The following NRXN1 variants were observed in gnomAD, a reference collection of about 807,000 sequenced individuals.
NRXN1 encodes the protein neurexin 1, also known as neurexin-1.
In NRXN1, 39 loss-of-function variants were observed where a neutral mutation model predicts 150.9. That is an observed-to-expected ratio of 0.26 (90% CI 0.20 to 0.34). The LOEUF is 0.34. Among genes scored for constraint, NRXN1 ranks in the 10% least tolerant of loss-of-function variants. The pLI is 1.00. For synonymous variants in NRXN1, 924 were observed against 757.0 expected (o/e 1.22, Z -3.62); for missense variants, 1,815 against 1,949.9 (o/e 0.93, Z 1.30).
At chr2:49,948,839 C>T (rs1427145570) in intron 21 of NRXN1, among the ~76,000 whole-genome samples, 1 of 151,722 alleles carries the variant, frequency 6.6e-6, no homozygotes, top group Non-Finnish European at 1.5e-5. Flanking sequence ...CTGAAAAAGA[C>T]AGAAGCGTGA....
At chr2:50,883,722 A>T (rs1679803341) in intron 5 of NRXN1, among the ~76,000 whole-genome samples, 1 of 151,872 alleles carries the variant, frequency 6.6e-6, no homozygotes, top group Non-Finnish European at 1.5e-5. Context: ...GTAGCAGAAT[A>T]AATAAATTGT....
chr2:50,638,400 A>G (rs1683547024), intron 5 of NRXN1, among the ~76,000 whole-genome samples: 1 of 152,194 alleles, frequency 6.6e-6, no homozygotes, highest in South Asian at 2.1e-4. Context: ...AATAATTCAC[A>G]TCCCAACAAA....
chr2:50,980,951 G>A (rs528721166), intron 2 of NRXN1, among the ~76,000 whole-genome samples: 2 of 151,920 alleles, frequency 1.3e-5, no homozygotes, highest in Admixed American at 6.6e-5. Context: ...GCAACAAATT[G>A]CCCTAAACAC....
At position 50,119,171 on chromosome 2, in the gene NRXN1, A is replaced by G. The variant is rs1366801833; in HGVS notation, c.3547-27677T>C. On this transcript the variant is annotated intron_variant, in intron 18 of 22. Transcript: ENST00000401669. ...TTAATCCTGACATAGCCACTGCATC[A>G]ACTTTTGTCTAGTTTACGCTTTGCC... 3.9e-5 allele frequency among the ~76,000 whole-genome samples: 6 copies of G among 152,298 alleles called. No individual in the cohort carries two copies. The East Asian group carries it at 1.2e-3, about 29-fold the overall frequency.
chr2:50,576,722 C>G (rs1364064718), intron 8 of NRXN1, among the ~76,000 whole-genome samples: 1 of 152,050 alleles, frequency 6.6e-6, no homozygotes, highest in Non-Finnish European at 1.5e-5. Flanking sequence ...TCGTATCCAG[C>G]TGGGTCAGGG....
chr2:50,124,599 C>T (rs916829344), intron 18 of NRXN1, among the ~76,000 whole-genome samples: 5 of 152,052 alleles, frequency 3.3e-5, no homozygotes, highest in African/African-American at 1.2e-4. Context: ...CCATCACCCC[C>T]AAAACTTCCA....
chr2:49,929,346 T>C (rs935931071), intron 22 of NRXN1, among the ~76,000 whole-genome samples: 1 of 152,202 alleles, frequency 6.6e-6, no homozygotes, highest in Non-Finnish European at 1.5e-5. Context: ...CATAGGATCA[T>C]GGTATTTACA....
intron 9 of NRXN1, among the ~76,000 whole-genome samples, chr2:50,549,829 T>C (rs983460483): frequency 2.0e-5 from 3 of 152,182 alleles, no homozygotes; most frequent in Non-Finnish European, 2.9e-5. Context: ...AGAAACCTCA[T>C]AAAATATTCA....
At chr2:50,959,289 C>T (rs1349396811) in intron 2 of NRXN1, among the ~76,000 whole-genome samples, 1 of 151,882 alleles carries the variant, frequency 6.6e-6, no homozygotes, top group Non-Finnish European at 1.5e-5. Flanking sequence ...AATATATGTT[C>T]ACATAAAAAC....
At position 50,446,383 on chromosome 2, in the gene NRXN1, C is replaced by T. The variant is rs115559758; in HGVS notation, c.3364+19059G>A. 1.7e-3 allele frequency among the ~76,000 whole-genome samples: 261 copies of T among 149,158 alleles called. 4 individuals are homozygous for T. Among genetic ancestry groups the T allele is most frequent in the African/African-American group, 6.4e-3 (257 of 40,402 alleles). On this transcript the variant is annotated intron_variant, in intron 17 of 22. Coordinates refer to ENST00000401669, the MANE Select transcript of NRXN1 (RefSeq NM_001330078.2). ...CCTCCCTCTTTTCACTCCTTCCTTC[C>T]TTTCCTATCTCCCCCTGCTTGCCCC...
chr2:50,931,268 T>C lies in NRXN1; in HGVS notation c.773-5313A>G, dbSNP rs574144691. On this transcript the variant is annotated intron_variant, in intron 2 of 22. Coordinates refer to ENST00000401669, the MANE Select transcript of NRXN1 (RefSeq NM_001330078.2). ...ACTACAGATGTTTTTCAACTAAATA[T>C]TAAAATACTCTTAACTTTATTATTC... is the stretch of plus-strand genomic sequence containing the variant. Among the ~76,000 whole-genome samples the C allele has an allele frequency of 1.8e-4, 27 of 152,216 alleles. No homozygotes were observed. The South Asian group carries it at 5.0e-3, about 28-fold the overall frequency.
At chr2:50,683,931 T>C (rs2104821939) in intron 5 of NRXN1, among the ~76,000 whole-genome samples, 1 of 151,874 alleles carries the variant, frequency 6.6e-6, no homozygotes, top group Non-Finnish European at 1.5e-5. Flanking sequence ...AGGCATTAGT[T>C]ATATGGAATG....
At chr2:50,847,680 C>G (rs749287968) in intron 5 of NRXN1, among the ~76,000 whole-genome samples, 1 of 152,138 alleles carries the variant, frequency 6.6e-6, no homozygotes. Context: ...CAGCAGAAGA[C>G]GACACAAGCT....
intron 18 of NRXN1, among the ~76,000 whole-genome samples, chr2:50,111,503 G>C (rs1477729446): frequency 2.6e-5 from 4 of 152,014 alleles, no homozygotes; most frequent in African/African-American, 9.7e-5. Flanking sequence ...GCAGGGCCTG[G>C]TGGTATGCAC....
At chr2:50,821,379 A>T (rs558939915) in intron 5 of NRXN1, among the ~76,000 whole-genome samples, 1 of 152,276 alleles carries the variant, frequency 6.6e-6, no homozygotes, top group East Asian at 1.9e-4. Flanking sequence ...AGGGAAACCA[A>T]AAGATTGGAC....
At chr2:50,252,233 C>CTTTTTTTTTTTTTTTTTT (rs55993018) in intron 17 of NRXN1, among the ~76,000 whole-genome samples, 3 of 94,898 alleles carry the variant, frequency 3.2e-5, no homozygotes, top group Non-Finnish European at 3.8e-5. Context: ...ACATTTTGTC[C>CTTTTTTTTTTTTTTTTTT]TTTTTTTTTT....
At chr2:50,850,550 A>G (rs907759430) in intron 5 of NRXN1, among the ~76,000 whole-genome samples, 2 of 152,148 alleles carry the variant, frequency 1.3e-5, no homozygotes, top group African/African-American at 4.8e-5. Flanking sequence ...GCACCACGCT[A>G]TCAAATTCCG....
intron 9 of NRXN1, among the ~76,000 whole-genome samples, chr2:50,538,971 C>G (rs2093330933): frequency 6.6e-6 from 1 of 152,154 alleles, no homozygotes; most frequent in Non-Finnish European, 1.5e-5. Flanking sequence ...GTATCAGTCT[C>G]TAGAAGAAAG....
chr2:50,169,894 A>C (rs1279925096), intron 18 of NRXN1, among the ~76,000 whole-genome samples: 1 of 151,962 alleles, frequency 6.6e-6, no homozygotes, highest in Non-Finnish European at 1.5e-5. Context: ...TAATATAAAA[A>C]TCAAGGAGAT....
Sources: gnomAD v4.1 joint callset for allele counts (sites outside exome capture counted in the v4.1 genomes callset) on GRCh38, gnomAD v4.1.1 for gene constraint, MANE v1.5 for transcripts, NCBI Gene and HGNC (gene_info 2026-07-23, HGNC 2026-07-21) for gene names.